The following BTRC variants were observed in gnomAD, a reference collection of about 807,000 sequenced individuals.
BTRC encodes F-box/WD repeat-containing protein 1A.
In BTRC, 42 loss-of-function variants were observed where a neutral mutation model predicts 85.5. The observed-to-expected ratio is 0.49, with a 90% CI of 0.38 to 0.64. BTRC has a LOEUF of 0.64. Ranked by LOEUF, BTRC falls within the 30% of genes least tolerant of loss-of-function variation. The probability of loss-of-function intolerance (pLI) is 0.00; values close to 1 mark genes in which losing one functional copy is unlikely to be tolerated. For synonymous variants in BTRC, 255 were observed against 263.3 expected (o/e 0.97, Z 0.30); for missense variants, 594 against 743.5 (o/e 0.80, Z 2.34).
At chr10:101,378,738 T>C (rs1377925669) in intron 1 of BTRC, among the ~76,000 whole-genome samples, 10 of 152,064 alleles carry the variant, frequency 6.6e-5, no homozygotes, top group Admixed American at 6.6e-4. Flanking sequence ...TTGGCCAGGC[T>C]GGTCTCGAAC....
chr10:101,421,631 AC>A (rs1944103963), intron 1 of BTRC, among the ~76,000 whole-genome samples: 1 of 71,788 alleles, frequency 1.4e-5, no homozygotes, highest in African/African-American at 5.8e-5. Flanking sequence ...CCCTCCCCCC[AC>A]CCCACAACAG....
intron 1 of BTRC, among the ~76,000 whole-genome samples, chr10:101,424,055 C>T (rs920482169): frequency 6.6e-5 from 10 of 152,032 alleles, no homozygotes; most frequent in African/African-American, 2.4e-4. Context: ...CATGGAGAAA[C>T]CCTGCCTGTC....
intron 4 of BTRC, among the ~76,000 whole-genome samples, chr10:101,511,788 A>G (rs1466933854): frequency 2.0e-5 from 3 of 152,108 alleles, no homozygotes; most frequent in African/African-American, 7.2e-5. Context: ...TGGCCTTCCA[A>G]AGTGCTGGGA....
chr10:101,414,992 TTAGTC>T (rs1943889949), intron 1 of BTRC, among the ~76,000 whole-genome samples: 1 of 151,852 alleles, frequency 6.6e-6, no homozygotes, highest in Non-Finnish European at 1.5e-5. Context: ...TTTAATAAAT[TTAGTC>T]TAGCCTAAGT....
chr10:101,501,107 T>TG (rs2134290782), intron 4 of BTRC, among the ~76,000 whole-genome samples: 1 of 151,750 alleles, frequency 6.6e-6, no homozygotes, highest in East Asian at 1.9e-4. Flanking sequence ...GAGGCAGAAT[T>TG]GCCTGAACCT....
chr10:101,530,638 A>G (rs2062266080), intron 6 of BTRC, among the ~76,000 whole-genome samples: 1 of 152,060 alleles, frequency 6.6e-6, no homozygotes, highest in African/African-American at 2.4e-5. Context: ...TACATATTCC[A>G]TTTGTTTACT....
intron 2 of BTRC, among the ~76,000 whole-genome samples, chr10:101,451,300 T>C (rs1944949556): frequency 6.6e-6 from 1 of 152,182 alleles, no homozygotes; most frequent in Non-Finnish European, 1.5e-5. Context: ...AATCCTTCCT[T>C]TCTTCCTTCC....
At chr10:101,534,975 A>G (rs1013722216) in intron 10 of BTRC, 65 bp downstream of exon 10, 14 of 1,546,056 alleles carry the variant, frequency 9.1e-6, no homozygotes, top group Non-Finnish European at 1.2e-5. Context: ...AAATTTGATC[A>G]AGGGCAATTT....
At chr10:101,404,020 A>ATTT (rs1943553807) in intron 1 of BTRC, among the ~76,000 whole-genome samples, 1 of 24,578 alleles carries the variant, frequency 4.1e-5, no homozygotes, top group African/African-American at 1.3e-4. Flanking sequence ...ATATATATAT[A>ATTT]TATATATATA....
At chr10:101,530,496 GA>G (rs78696755) in intron 6 of BTRC, among the ~76,000 whole-genome samples, 143 of 133,206 alleles carry the variant, frequency 1.1e-3, no homozygotes, top group Admixed American at 2.2e-3. Context: ...CAGTAAAAGG[GA>G]AAAAAAAAAA....
At chr10:101,550,272 T>A (rs900535832) in intron 13 of BTRC, among the ~76,000 whole-genome samples, 3 of 152,074 alleles carry the variant, frequency 2.0e-5, no homozygotes, top group South Asian at 2.1e-4. Context: ...TCTATTTTTT[T>A]AATTTATTTA....
At chr10:101,381,071 CAG>C (rs1454118736) in intron 1 of BTRC, among the ~76,000 whole-genome samples, 5 of 151,992 alleles carry the variant, frequency 3.3e-5, no homozygotes, top group Non-Finnish European at 7.4e-5. Flanking sequence ...ACTGAAGTGT[CAG>C]GGGGTGCATG....
intron 2 of BTRC, among the ~76,000 whole-genome samples, chr10:101,448,176 T>G (rs1432991003): frequency 2.6e-5 from 4 of 152,150 alleles, no homozygotes; most frequent in African/African-American, 9.6e-5. Context: ...CTTAAGACCT[T>G]AGGCTTAAGA....
At chr10:101,422,221 G>A (rs1944121896) in intron 1 of BTRC, among the ~76,000 whole-genome samples, 1 of 152,224 alleles carries the variant, frequency 6.6e-6, no homozygotes, top group Non-Finnish European at 1.5e-5. Flanking sequence ...CTGATGGCCA[G>A]TGATGATGAG....
chr10:101,446,412 C>T (rs1037790629), intron 2 of BTRC, among the ~76,000 whole-genome samples: 30 of 152,210 alleles, frequency 2.0e-4, no homozygotes, highest in African/African-American at 7.0e-4. Flanking sequence ...ACCTTTTCCT[C>T]CCAAAGAAGC....
intron 1 of BTRC, among the ~76,000 whole-genome samples, chr10:101,361,396 G>A (rs974354044): frequency 3.3e-5 from 5 of 152,152 alleles, no homozygotes; most frequent in South Asian, 2.1e-4. Context: ...ATGTGCCACC[G>A]CACCTGGCCA....
intron 4 of BTRC, among the ~76,000 whole-genome samples, chr10:101,509,987 A>G (rs1946658869): frequency 6.7e-6 from 1 of 150,290 alleles, no homozygotes; most frequent in Admixed American, 6.6e-5. Context: ...CCAGCATGGT[A>G]AAACCCTGTC....
At chr10:101,354,061 T>A, upstream of BTRC, 2 of 1,219,340 alleles carry the variant, frequency 1.6e-6, no homozygotes, top group Non-Finnish European at 2.3e-6. Context: ...AGCCTGCGCC[T>A]GAGAGGTAAG....
intron 3 of BTRC, among the ~76,000 whole-genome samples, chr10:101,478,169 C>A (rs1246961318): frequency 6.6e-6 from 1 of 151,782 alleles, no homozygotes; most frequent in African/African-American, 2.4e-5. Flanking sequence ...GGCATGGTGG[C>A]AGGCGCCTGT....
Sources: gnomAD v4.1 joint callset for allele counts (sites outside exome capture counted in the v4.1 genomes callset) on GRCh38, gnomAD v4.1.1 for gene constraint, MANE v1.5 for transcripts, NCBI Gene and HGNC (gene_info 2026-07-23, HGNC 2026-07-21) for gene names.